The following CALN1 variants were observed in gnomAD, a reference collection of about 807,000 sequenced individuals.
CALN1 encodes the protein calcium-binding protein 8.
Under a neutral mutation model 30.6 loss-of-function variants are expected in CALN1, and 17 were observed. That is an observed-to-expected ratio of 0.56 (90% CI 0.38 to 0.83). The LOEUF (loss-of-function observed/expected upper bound fraction) is 0.83. Ranked by LOEUF, CALN1 falls within the 40% of genes least tolerant of loss-of-function variation. The pLI, the probability that CALN1 is intolerant of heterozygous loss-of-function variation, is 0.00. For missense variants in CALN1, 291 were observed against 354.9 expected (o/e 0.82, Z 1.45); for synonymous variants, 156 against 131.4 (o/e 1.19, Z -1.28).
At chr7:72,371,031 G>A (rs1804209011) in intron 2 of CALN1, among the ~76,000 whole-genome samples, 1 of 122,062 alleles carries the variant, frequency 8.2e-6, no homozygotes, top group Admixed American at 9.5e-5. Flanking sequence ...TTTGGTGACA[G>A]AGCAAAATTA....
At chr7:72,500,562 G>C in the CALN1 span, among the ~76,000 whole-genome samples, 2 of 151,890 alleles carry the variant, frequency 1.3e-5, no homozygotes, top group Non-Finnish European at 2.9e-5. Flanking sequence ...TTACAGGCGT[G>C]AGCCACCGTG....
chr7:72,408,581 A>C (rs1486400195), intron 1 of CALN1, among the ~76,000 whole-genome samples: 3 of 152,058 alleles, frequency 2.0e-5, no homozygotes, highest in African/African-American at 7.2e-5. Flanking sequence ...TTTTTTGTAT[A>C]AATTCATGGG....
chr7:72,460,788 A>C, the CALN1 span, among the ~76,000 whole-genome samples: 10 of 151,970 alleles, frequency 6.6e-5, no homozygotes, highest in Non-Finnish European at 1.3e-4. Context: ...CCATTCTCTG[A>C]CCTACTGTGG....
At chr7:72,464,532 T>C in the CALN1 span, among the ~76,000 whole-genome samples, 34 of 152,262 alleles carry the variant, frequency 2.2e-4, no homozygotes, top group Non-Finnish European at 4.4e-4. Context: ...CACACATTCC[T>C]CTTCTCCCTG....
At chr7:72,186,300 A>C (rs10243727) in intron 3 of CALN1, among the ~76,000 whole-genome samples, 35,716 of 151,978 alleles carry the variant, frequency 0.24, 4,632 homozygotes, top group Middle Eastern at 0.35. Context: ...AACCGAATGG[A>C]CAGGTGGGAA....
Position 72,380,705 on chromosome 7 carries a change from T to TTAGATAGA in CALN1, c.119+22538_119+22545dup, listed in dbSNP as rs370157902. 8.9e-3 allele frequency among the ~76,000 whole-genome samples: 1,026 copies of TTAGATAGA among 114,658 alleles called. 8 individuals carry two copies. The highest frequency in any genetic ancestry group is 0.014 in the Non-Finnish European group (724 of 50,354). The allele number at this position is 114,658 out of a possible 152,430, so 75.2% of individuals were successfully genotyped here. A position where few individuals can be genotyped will look rare whatever the true frequency, so the allele number is the denominator to read the frequency against. Reference sequence around the variant, plus strand: ...TGGATGGATGGATACATACATTAGATTAGATAGATAGATAGATACATAGAT... The same window carrying TTAGATAGA: ...TGGATGGATGGATACATACATTAGATTAGATAGATAGATAGATAGATAGATACATAGAT... On this transcript the variant is annotated intron_variant, in intron 2 of 6. Transcript: ENST00000395275.
intron 5 of CALN1, chr7:71,913,790 G>A (rs749725301): frequency 6.6e-6 from 1 of 152,166 alleles, no homozygotes; most frequent in Non-Finnish European, 1.5e-5. Flanking sequence ...CACTAACCAG[G>A]TCTGACCCTG....
At chr7:72,151,913 T>TC in intron 3 of CALN1, among the ~76,000 whole-genome samples, 1 of 148,428 alleles carries the variant, frequency 6.7e-6, no homozygotes, top group East Asian at 2.0e-4. Context: ...TTCTTTTCTT[T>TC]TTTTTTTTTT....
In CALN1 at chr7:72,249,962, AG is replaced by A. The variant is rs1562794816; in HGVS notation, c.244+28723del. Among the ~76,000 whole-genome samples, 672 of 124,672 alleles carry A rather than the reference AG, an allele frequency of 5.4e-3. 4 individuals are homozygous for A. The highest frequency in any genetic ancestry group is 0.019 in the Middle Eastern group (4 of 208). The allele number at this position is 124,672 out of a possible 152,430, so 81.8% of individuals were successfully genotyped here. A position where few individuals can be genotyped will look rare whatever the true frequency, so the allele number is the denominator to read the frequency against. ...AAAACAAACCAAAAAAAAAAAAAAG[AG>A]AGAGAGAGAGAGAGAGAAATAGACC... is the stretch of plus-strand genomic sequence containing the variant. On this transcript the variant is annotated intron_variant, in intron 3 of 6. Coordinates refer to ENST00000395275, the MANE Select transcript of CALN1 (RefSeq NM_031468.4).
intron 3 of CALN1, among the ~76,000 whole-genome samples, chr7:72,163,534 G>A (rs570621165): frequency 6.6e-6 from 1 of 152,052 alleles, no homozygotes; most frequent in Non-Finnish European, 1.5e-5. Context: ...AAGACTCAGA[G>A]GAAAATATGT....
chr7:72,293,162 T>C (rs1271772998), intron 2 of CALN1, among the ~76,000 whole-genome samples: 1 of 152,130 alleles, frequency 6.6e-6, no homozygotes, highest in Non-Finnish European at 1.5e-5. Flanking sequence ...AAAACAGCTA[T>C]CTACTAAGTT....
At chr7:72,415,023 G>A (rs947439274), upstream of CALN1, among the ~76,000 whole-genome samples, 1 of 152,206 alleles carries the variant, frequency 6.6e-6, no homozygotes, top group Non-Finnish European at 1.5e-5. Flanking sequence ...CTCTATCTCT[G>A]CCATGTGAGG....
intron 5 of CALN1, among the ~76,000 whole-genome samples, chr7:71,995,203 A>C (rs1799192004): frequency 6.6e-6 from 1 of 152,124 alleles, no homozygotes; most frequent in Non-Finnish European, 1.5e-5. Flanking sequence ...GCCCAGGGCC[A>C]TGTTGCCTGG....
rs1309519440 is a variant in CALN1 at position 72,345,412 on chromosome 7, AG to A, written c.119+57838del. 1.0e-3 allele frequency among the ~76,000 whole-genome samples: 5 copies of A among 5,022 alleles called. No homozygotes were observed. In the South Asian group the frequency reaches 0.045, roughly 46 times the overall value. 3.3% of individuals were successfully genotyped at this position (5,022 alleles called of 152,430 possible). On this transcript the variant is annotated intron_variant, in intron 2 of 6. Transcript: ENST00000395275. ...GAAAAGGGAAGGAAGGAAAGAAAGA[AG>A]AGAAAGGAAAGAAAGGAAGGAGGGA...
intron 3 of CALN1, among the ~76,000 whole-genome samples, chr7:72,180,101 C>T (rs902337955): frequency 6.6e-6 from 1 of 152,174 alleles, no homozygotes; most frequent in African/African-American, 2.4e-5. Context: ...TCGCAGAAAC[C>T]GTGTCAGCTG....
At chr7:72,107,950 G>A (rs115469224) in intron 3 of CALN1, among the ~76,000 whole-genome samples, 253 of 152,104 alleles carry the variant, frequency 1.7e-3, no homozygotes, top group African/African-American at 5.4e-3. Context: ...ACTTACTACC[G>A]CACTGAATAT....
intron 3 of CALN1, among the ~76,000 whole-genome samples, chr7:72,260,401 C>T (rs533626814): frequency 1.3e-5 from 2 of 152,294 alleles, no homozygotes; most frequent in Non-Finnish European, 2.9e-5. Context: ...CATAAACACA[C>T]ACAATATTGT....
intron 3 of CALN1, among the ~76,000 whole-genome samples, chr7:72,146,938 C>A (rs1310099989): frequency 6.6e-6 from 1 of 152,266 alleles, no homozygotes; most frequent in South Asian, 2.1e-4. Context: ...AAACTGGATC[C>A]CTTCCTTACA....
At chr7:71,879,308 C>G (rs1024768984) in intron 5 of CALN1, among the ~76,000 whole-genome samples, 2 of 152,128 alleles carry the variant, frequency 1.3e-5, no homozygotes, top group Non-Finnish European at 2.9e-5. Flanking sequence ...TTGGGGGCTA[C>G]TAACAGCTGC....
Sources: allele counts gnomAD v4.1 joint callset (sites outside exome capture counted in the v4.1 genomes callset), GRCh38; gene constraint gnomAD v4.1.1; transcripts MANE v1.5; gene names NCBI Gene and HGNC (gene_info 2026-07-23, HGNC 2026-07-21).